Variants in GAB2 observed in about 807,000 individuals in gnomAD.
The protein encoded by GAB2 is GRB2-associated-binding protein 2.
A neutral mutation model predicts 65.5 loss-of-function variants in GAB2; 26 were observed. The ratio of observed to expected loss-of-function variants is 0.40; its 90% CI spans 0.29 to 0.55. The LOEUF (loss-of-function observed/expected upper bound fraction) is 0.55. Among genes scored for constraint, GAB2 ranks in the 20% least tolerant of loss-of-function variants. The pLI is 0.53. For synonymous variants in GAB2, 321 were observed against 329.6 expected (o/e 0.97, Z 0.28); for missense variants, 884 against 875.8 (o/e 1.01, Z -0.12).
At chr11:78,358,402 A>G (rs961513398) in intron 1 of GAB2, among the ~76,000 whole-genome samples, 8 of 149,564 alleles carry the variant, frequency 5.3e-5, no homozygotes, top group Admixed American at 2.7e-4. Flanking sequence ...TATGTAACAA[A>G]CCTGCATGTT....
chr11:78,346,048 C>T (rs1217462872), intron 1 of GAB2, among the ~76,000 whole-genome samples: 1 of 152,208 alleles, frequency 6.6e-6, no homozygotes, highest in Non-Finnish European at 1.5e-5. Flanking sequence ...ATAAATTTCT[C>T]ACTAGCAAAT....
At chr11:78,257,412 G>T (rs1489633872) in intron 2 of GAB2, among the ~76,000 whole-genome samples, 1 of 152,214 alleles carries the variant, frequency 6.6e-6, no homozygotes, top group Non-Finnish European at 1.5e-5. Flanking sequence ...TTCAAAGTCT[G>T]ACTCTGCTAA....
chr11:78,217,073 T>A lies in GAB2; in HGVS notation c.*2199A>T, dbSNP rs1228375548. The A allele has an allele frequency of 6.6e-6, 1 of 152,448 alleles. No homozygotes were observed. Among genetic ancestry groups the A allele is most frequent in the Non-Finnish European group, 1.5e-5 (1 of 68,112 alleles). The allele number at this position is 152,448 out of a possible 1,614,324, so 9.4% of individuals were successfully genotyped here. A position where few individuals can be genotyped will look rare whatever the true frequency, so the allele number is the denominator to read the frequency against. ...GCCCTGCCCTCCTCCTCTGTAAAAA[T>A]CTGACTCATCCCCTTCTAAGGCCTA... On this transcript the variant is annotated 3_prime_UTR_variant, in exon 10 of 10. Transcript: ENST00000361507.
chr11:78,306,508 A>G (rs1318269995), intron 1 of GAB2, among the ~76,000 whole-genome samples: 1 of 152,244 alleles, frequency 6.6e-6, no homozygotes, highest in Non-Finnish European at 1.5e-5. Flanking sequence ...CTGGGATTAC[A>G]GGCGGTGAGC....
At chr11:78,244,631 A>G (rs1366375028) in intron 3 of GAB2, among the ~76,000 whole-genome samples, 2 of 150,752 alleles carry the variant, frequency 1.3e-5, no homozygotes, top group Admixed American at 6.6e-5. Context: ...TTATCTTTCA[A>G]ACGAAGACAG....
intron 1 of GAB2, among the ~76,000 whole-genome samples, chr11:78,382,346 C>CT (rs970568523): frequency 3.3e-4 from 50 of 152,106 alleles, no homozygotes; most frequent in African/African-American, 1.2e-3. Context: ...TCCTTGGCCC[C>CT]CCCTTCTGCT....
At chr11:78,320,255 T>C (rs1320513928) in intron 1 of GAB2, among the ~76,000 whole-genome samples, 2 of 152,220 alleles carry the variant, frequency 1.3e-5, no homozygotes, top group African/African-American at 4.8e-5. Flanking sequence ...CAGGCAGGAT[T>C]TGAGCTCTTT....
intron 3 of GAB2, among the ~76,000 whole-genome samples, chr11:78,240,640 G>T (rs1008839252): frequency 6.6e-6 from 1 of 152,162 alleles, no homozygotes; most frequent in Non-Finnish European, 1.5e-5. Context: ...CTGCTACATG[G>T]TGTATCAATC....
At chr11:78,225,648 T>G (rs1045010660) in intron 4 of GAB2, among the ~76,000 whole-genome samples, 2 of 152,248 alleles carry the variant, frequency 1.3e-5, no homozygotes, top group African/African-American at 2.4e-5. Flanking sequence ...GTATGACTGC[T>G]CAAATTGTCG....
chr11:78,371,517 G>A (rs999297608), intron 1 of GAB2, among the ~76,000 whole-genome samples: 12 of 152,120 alleles, frequency 7.9e-5, no homozygotes, highest in Non-Finnish European at 1.6e-4. Context: ...TCCCTCTTCC[G>A]TGTTCCTCCA....
At chr11:78,382,734 GT>G (rs775078563) in intron 1 of GAB2, among the ~76,000 whole-genome samples, 1 of 152,098 alleles carries the variant, frequency 6.6e-6, no homozygotes, top group Non-Finnish European at 1.5e-5. Flanking sequence ...TTTTCTAAAC[GT>G]TCAAAAGACT....
chr11:78,336,863 C>A (rs973786289), intron 1 of GAB2, among the ~76,000 whole-genome samples: 1 of 152,002 alleles, frequency 6.6e-6, no homozygotes, highest in African/African-American at 2.4e-5. Context: ...CAAAATAAAC[C>A]AAAGAATTGA....
At chr11:78,336,157 T>C (rs1285238732) in intron 1 of GAB2, among the ~76,000 whole-genome samples, 1 of 151,280 alleles carries the variant, frequency 6.6e-6, no homozygotes, top group African/African-American at 2.4e-5. Context: ...CTACTAAAAA[T>C]ACAAAAATTA....
intron 3 of GAB2, among the ~76,000 whole-genome samples, chr11:78,230,839 G>C (rs906152125): frequency 1.3e-5 from 2 of 152,232 alleles, no homozygotes; most frequent in Admixed American, 1.3e-4. Flanking sequence ...CAATAATCTA[G>C]ATGGGGAATT....
At chr11:78,299,401 G>C (rs1445866743) in intron 1 of GAB2, among the ~76,000 whole-genome samples, 1 of 152,212 alleles carries the variant, frequency 6.6e-6, no homozygotes, top group Non-Finnish European at 1.5e-5. Flanking sequence ...GTCAGGCAGA[G>C]CTTCTGGACT....
intron 1 of GAB2, among the ~76,000 whole-genome samples, chr11:78,306,885 G>C (rs552030755): frequency 1.3e-5 from 2 of 152,224 alleles, no homozygotes; most frequent in Non-Finnish European, 2.9e-5. Context: ...ATCTCACATA[G>C]TCACAGAAAG....
chr11:78,407,564 C>T (rs1252643968), intron 1 of GAB2, among the ~76,000 whole-genome samples: 1 of 151,602 alleles, frequency 6.6e-6, no homozygotes, highest in Non-Finnish European at 1.5e-5. Context: ...ACCTGGGACG[C>T]AGACATTGCA....
At chr11:78,384,793 C>T (rs746300027) in intron 1 of GAB2, among the ~76,000 whole-genome samples, 3 of 152,204 alleles carry the variant, frequency 2.0e-5, no homozygotes, top group Non-Finnish European at 4.4e-5. Flanking sequence ...GAAAGAAACC[C>T]AGCCTGTATA....
chr11:78,370,421 A>C (rs1856555740), intron 1 of GAB2, among the ~76,000 whole-genome samples: 1 of 152,188 alleles, frequency 6.6e-6, no homozygotes, highest in Non-Finnish European at 1.5e-5. Flanking sequence ...ACAAGGTATA[A>C]AACAGGGCAA....
Sources: gnomAD v4.1 joint callset for allele counts (sites outside exome capture counted in the v4.1 genomes callset) on GRCh38, gnomAD v4.1.1 for gene constraint, MANE v1.5 for transcripts, NCBI Gene and HGNC (gene_info 2026-07-23, HGNC 2026-07-21) for gene names.